Variants in TXNDC9 observed in about 807,000 individuals in gnomAD.
TXNDC9 encodes thioredoxin domain-containing protein 9.
Under a neutral mutation model 23.0 loss-of-function variants are expected in TXNDC9, and 7 were observed. The observed-to-expected ratio is 0.30, with a 90% CI of 0.17 to 0.57. The LOEUF is 0.57. Ranked by LOEUF, TXNDC9 falls within the 20% of genes least tolerant of loss-of-function variation. The pLI is 0.90. For missense variants in TXNDC9, 198 were observed against 252.6 expected (o/e 0.78, Z 1.47); for synonymous variants, 72 against 90.6 (o/e 0.79, Z 1.17).
the TXNDC9 span, among the ~76,000 whole-genome samples, chr2:99,308,569 G>T: frequency 5.3e-5 from 8 of 151,932 alleles, no homozygotes; most frequent in Admixed American, 5.3e-4. Context: ...GAATGTTGCT[G>T]TACATGCATG....
downstream of TXNDC9, among the ~76,000 whole-genome samples, chr2:99,318,338 C>T (rs142832351): frequency 3.0e-3 from 458 of 152,100 alleles, 3 homozygotes; most frequent in African/African-American, 0.01. Context: ...CTAGTCAGTC[C>T]CTTTATTAAA....
Position 99,321,996 on chromosome 2 carries a change from A to C in TXNDC9, c.522T>G (p.Thr174=). The change falls in exon 4 of 5, where the codon ACT becomes ACG. Residue 174 remains threonine (T), a synonymous_variant. Transcript: ENST00000264255. ...CAGAAGAACCGAGCCTCCATTCTAA[A>C]GTTTCTGTGGTGAAGTCATCTGTAT... The part of the protein sequence containing the change: ...LGNTDDFTTE[T]LEWRLGSSDI... The C allele has an allele frequency of 1.2e-6, 2 of 1,613,326 alleles. No individual in the cohort carries two copies. Among genetic ancestry groups the C allele is most frequent in the East Asian group, 4.5e-5 (2 of 44,870 alleles).
chr2:99,331,467 G>C (rs2094225250), intron 2 of TXNDC9, among the ~76,000 whole-genome samples: 1 of 146,204 alleles, frequency 6.8e-6, no homozygotes. Flanking sequence ...CCAGCTACTT[G>C]AGAGGTCAAG....
chr2:99,314,798 T>C (rs1010204966), downstream of TXNDC9, among the ~76,000 whole-genome samples: 4 of 151,970 alleles, frequency 2.6e-5, no homozygotes, highest in Non-Finnish European at 5.9e-5. Flanking sequence ...GTGGTTTGGA[T>C]TTACATTTCC....
intron 2 of TXNDC9, among the ~76,000 whole-genome samples, chr2:99,330,727 T>G (rs936338691): frequency 6.6e-6 from 1 of 152,228 alleles, no homozygotes; most frequent in Non-Finnish European, 1.5e-5. Flanking sequence ...GTCTATTAAG[T>G]GCCGACTGTA....
chr2:99,309,733 C>G, the TXNDC9 span, among the ~76,000 whole-genome samples: 5 of 152,150 alleles, frequency 3.3e-5, no homozygotes, highest in Non-Finnish European at 5.9e-5. Flanking sequence ...ATTGCTCAGG[C>G]TGAAGTGCAG....
chr2:99,315,499 T>G (rs1012674217), downstream of TXNDC9, among the ~76,000 whole-genome samples: 9 of 152,366 alleles, frequency 5.9e-5, no homozygotes, highest in African/African-American at 1.9e-4. Context: ...TATTCTAATC[T>G]GTTGGTATCA....
chr2:99,312,496 CA>C, the TXNDC9 span, among the ~76,000 whole-genome samples: 517 of 61,290 alleles, frequency 8.4e-3, 2 homozygotes, highest in Admixed American at 0.014. Flanking sequence ...GACTCCGTCT[CA>C]AAAAAAAAAA....
At chr2:99,334,757 G>C (rs2094234620) in intron 1 of TXNDC9, among the ~76,000 whole-genome samples, 1 of 152,074 alleles carries the variant, frequency 6.6e-6, no homozygotes, top group Non-Finnish European at 1.5e-5. Flanking sequence ...CTGTCGCCCA[G>C]GCTGGAGTGC....
Position 99,319,746 on chromosome 2 carries a change from A to G in TXNDC9, c.617T>C (p.Phe206Ser). ...FQNQKKFGTN[F>S]TKLEKKTIRG... The stretch of plus-strand genomic sequence containing the variant: ...GATAGTTTTCTTTTCCAGCTTTGTG[A>G]AGTTTGTTCCAAATTTCTTTTGGTT... Residue 206 changes from phenylalanine (F) to serine (S), a missense_variant, in exon 5 of 5, where the codon TTC (phenylalanine) becomes TCC (serine). Physicochemically the swap from Phe to Ser is radical, Grantham distance 155. Coordinates refer to ENST00000264255, the MANE Select transcript of TXNDC9 (RefSeq NM_005783.4). 6.2e-7 allele frequency: 1 copy of G among 1,604,346 alleles called. No individual in the cohort carries two copies. Among genetic ancestry groups the G allele is most frequent in the South Asian group, 1.1e-5 (1 of 87,852 alleles).
chr2:99,313,226 TTTC>T, the TXNDC9 span, among the ~76,000 whole-genome samples: 1 of 152,092 alleles, frequency 6.6e-6, no homozygotes, highest in Non-Finnish European at 1.5e-5. Flanking sequence ...CCAAGTCTTT[TTTC>T]TTCTTCTATT....
chr2:99,326,973 T>TA (rs1278027571), intron 3 of TXNDC9, among the ~76,000 whole-genome samples: 1 of 152,252 alleles, frequency 6.6e-6, no homozygotes, highest in Non-Finnish European at 1.5e-5. Context: ...AATTCAAAAA[T>TA]ATAAGCCATT....
intron 4 of TXNDC9, among the ~76,000 whole-genome samples, chr2:99,320,133 G>A (rs1411643695): frequency 5.9e-5 from 9 of 151,928 alleles, no homozygotes; most frequent in African/African-American, 1.9e-4. Context: ...TCAGCCTCCC[G>A]AGTAGCTTGG....
At chr2:99,307,916 T>G in the TXNDC9 span, among the ~76,000 whole-genome samples, 1 of 152,016 alleles carries the variant, frequency 6.6e-6, no homozygotes, top group African/African-American at 2.4e-5. Context: ...AATGCTACAT[T>G]AACCCATAGA....
intron 2 of TXNDC9, among the ~76,000 whole-genome samples, chr2:99,328,744 G>A (rs911281223): frequency 3.9e-4 from 60 of 152,146 alleles, no homozygotes; most frequent in African/African-American, 1.4e-3. Context: ...GGGAGGCTGA[G>A]GCGGCTGGAT....
intron 1 of TXNDC9, among the ~76,000 whole-genome samples, chr2:99,334,660 A>G (rs1302550965): frequency 6.6e-6 from 1 of 152,256 alleles, no homozygotes; most frequent in African/African-American, 2.4e-5. Flanking sequence ...TATGTGGCAC[A>G]TGACTATATA....
At chr2:99,333,267 A>G in intron 1 of TXNDC9, 25 bp from the exon 2 acceptor site, 1 of 1,524,604 alleles carries the variant, frequency 6.6e-7, no homozygotes, top group South Asian at 1.3e-5. Context: ...TACAAAATAC[A>G]TTTTAAAAAA....
At chr2:99,311,758 T>C in the TXNDC9 span, among the ~76,000 whole-genome samples, 21 of 152,372 alleles carry the variant, frequency 1.4e-4, no homozygotes, top group African/African-American at 4.1e-4. Flanking sequence ...TGAGCCAGCA[T>C]GCCCAGCCTG....
intron 3 of TXNDC9, among the ~76,000 whole-genome samples, chr2:99,324,571 T>C (rs2094209267): frequency 7.4e-6 from 1 of 134,262 alleles, no homozygotes; most frequent in Non-Finnish European, 1.7e-5. Flanking sequence ...TTAACTGCAG[T>C]AAGGAACGTA....
Sources: allele counts gnomAD v4.1 joint callset (sites outside exome capture counted in the v4.1 genomes callset), GRCh38; gene constraint gnomAD v4.1.1; transcripts MANE v1.5; gene names NCBI Gene and HGNC (gene_info 2026-07-23, HGNC 2026-07-21).